Variants in DCBLD2 observed in about 807,000 individuals in gnomAD.
DCBLD2 encodes the protein discoidin, CUB and LCCL domain containing 2.
In DCBLD2, 54 loss-of-function variants were observed where a neutral mutation model predicts 86.8. The observed-to-expected ratio is 0.62, with a 90% confidence interval of 0.50 to 0.78. The LOEUF (loss-of-function observed/expected upper bound fraction) is 0.78. DCBLD2 is among the 30% of genes least tolerant of loss of function. DCBLD2 has a pLI of 0.00. For synonymous variants in DCBLD2, 354 were observed against 341.3 expected (o/e 1.04, Z -0.41); for missense variants, 908 against 954.2 (o/e 0.95, Z 0.64).
rs577977258 is a variant in DCBLD2, at chr3:98,870,199, C to A, written c.433+11341G>T. 2.6e-5 allele frequency among the ~76,000 whole-genome samples: 4 copies of A among 152,258 alleles called. No individual in the cohort carries two copies. In the South Asian group the frequency reaches 8.3e-4, roughly 32 times the overall value. On this transcript the variant is annotated intron_variant, in intron 2 of 15. Transcript: ENST00000326840. Reference sequence around the variant, plus strand: ...AGCACCACTGAATGAATAGGGTGTCCTTTCCCCCATTGTATGTTTCAGTCT... The same window carrying A: ...AGCACCACTGAATGAATAGGGTGTCATTTCCCCCATTGTATGTTTCAGTCT...
At chr3:98,807,978 C>A in intron 13 of DCBLD2, 103 bp downstream of exon 13, 4 of 822,696 alleles carry the variant, frequency 4.9e-6, no homozygotes, top group South Asian at 3.6e-5. Context: ...TAATAATTAC[C>A]TTAACTCTCA....
At chr3:98,814,771 T>G (rs956496272) in intron 9 of DCBLD2, 17 of 152,226 alleles carry the variant, frequency 1.1e-4, no homozygotes, top group Admixed American at 6.5e-4. Context: ...AAAAGACTGT[T>G]AATTCATACA....
At chr3:98,812,603 A>T in intron 9 of DCBLD2, 121 bp from the exon 10 acceptor site, 1 of 691,888 alleles carries the variant, frequency 1.4e-6, no homozygotes, top group Non-Finnish European at 2.2e-6. Flanking sequence ...AAAGTATGAT[A>T]ATAAGGATCA....
At chr3:98,888,104 C>T (rs1030376196) in intron 1 of DCBLD2, among the ~76,000 whole-genome samples, 2 of 151,960 alleles carry the variant, frequency 1.3e-5, no homozygotes, top group Non-Finnish European at 2.9e-5. Flanking sequence ...GGATTGGCTG[C>T]TTTCATTTAG....
rs1016347597 is a variant in DCBLD2, at chr3:98,797,632, C to T, written c.*1740G>A. On this transcript the variant is annotated 3_prime_UTR_variant, in exon 16 of 16. Coordinates refer to ENST00000326840, the MANE Select transcript of DCBLD2 (RefSeq NM_080927.4). ...GTATTGATTCTTCAATGAATGAAATCACGCCTCAAAGTTTGGAGAAGGAAA... is the reference window on the plus strand; with the variant it reads ...GTATTGATTCTTCAATGAATGAAATTACGCCTCAAAGTTTGGAGAAGGAAA... 3 of 152,106 alleles carry T rather than the reference C, an allele frequency of 2.0e-5. No homozygotes were observed. The highest frequency in any genetic ancestry group is 7.2e-5 in the African/African-American group (3 of 41,416). The allele number at this position is 152,106 out of a possible 1,614,324, so 9.4% of individuals were successfully genotyped here.
intron 13 of DCBLD2, among the ~76,000 whole-genome samples, chr3:98,805,295 G>T (rs1053693068): frequency 3.3e-5 from 5 of 151,414 alleles, no homozygotes; most frequent in South Asian, 4.2e-4. Flanking sequence ...GAATGGAAAA[G>T]AAATAAAAAA....
intron 1 of DCBLD2, chr3:98,900,813 A>G (rs759856490): frequency 2.3e-6 from 1 of 429,196 alleles, no homozygotes; most frequent in Non-Finnish European, 4.3e-6. Flanking sequence ...ATTACCTCCA[A>G]AGGTTCTTTT....
chr3:98,802,981 G>A (rs1205888592), intron 13 of DCBLD2, among the ~76,000 whole-genome samples: 3 of 152,150 alleles, frequency 2.0e-5, no homozygotes, highest in South Asian at 2.1e-4. Flanking sequence ...GTCAGGTAAC[G>A]TGATGCCTCC....
chr3:98,851,127 T>C (rs1390005904), intron 2 of DCBLD2, among the ~76,000 whole-genome samples: 1 of 152,188 alleles, frequency 6.6e-6, no homozygotes, highest in Non-Finnish European at 1.5e-5. Context: ...ATAAAGGGTA[T>C]TCAAACAGGA....
intron 12 of DCBLD2, 73 bp downstream of exon 12, chr3:98,811,121 A>G: frequency 1.4e-6 from 2 of 1,436,352 alleles, no homozygotes; most frequent in South Asian, 3.3e-5. Flanking sequence ...GAAGGTTTAA[A>G]AATGCCCGTG....
At chr3:98,808,222 C>G (rs1375087108) in intron 12 of DCBLD2, 48 bp from the exon 13 acceptor site, 5 of 1,480,992 alleles carry the variant, frequency 3.4e-6, no homozygotes, top group African/African-American at 1.4e-5. Flanking sequence ...ATATTAACAC[C>G]AAAGGCAGAA....
Position 98,798,223 on chromosome 3 carries a change from A to T in DCBLD2, c.*1149T>A, listed in dbSNP as rs192015188. 48 of 152,324 alleles carry T rather than the reference A, an allele frequency of 3.2e-4. No homozygotes were observed. Among genetic ancestry groups the T allele is most frequent in the Non-Finnish European group, 5.9e-4 (40 of 68,026 alleles). The allele number at this position is 152,324 out of a possible 1,614,324, so 9.4% of individuals were successfully genotyped here. On this transcript the variant is annotated 3_prime_UTR_variant, in exon 16 of 16. Coordinates refer to ENST00000326840, the MANE Select transcript of DCBLD2 (RefSeq NM_080927.4). The stretch of plus-strand genomic sequence containing the variant: ...AGTGCACGATCACGCAGTCCTGAAA[A>T]ATACACGTTAGGTTTATATTTTGTG...
In DCBLD2 at chr3:98,867,062, C is replaced by G. The variant is rs999573598; in HGVS notation, c.433+14478G>C. 1.6e-3 allele frequency among the ~76,000 whole-genome samples: 241 copies of G among 152,264 alleles called. 2 individuals carry two copies. The highest frequency in any genetic ancestry group is 5.6e-3 in the African/African-American group (233 of 41,532). ...GAGGGCTCTGTTCTGTTCCATTGGT[C>G]TATATCTCTGTTTTGGTCCCAGTAC... On this transcript the variant is annotated intron_variant, in intron 2 of 15. Coordinates refer to ENST00000326840, the MANE Select transcript of DCBLD2 (RefSeq NM_080927.4).
At chr3:98,815,094 TATAAAG>T (rs1488759493) in intron 9 of DCBLD2, 3 of 152,010 alleles carry the variant, frequency 2.0e-5, no homozygotes, top group African/African-American at 4.8e-5. Context: ...AGAAGAGAGC[TATAAAG>T]ATAGAGTGAG....
chr3:98,858,039 G>A (rs1576185293), intron 2 of DCBLD2, among the ~76,000 whole-genome samples: 2 of 152,366 alleles, frequency 1.3e-5, no homozygotes, highest in Admixed American at 6.5e-5. Flanking sequence ...GCTCGTCGGG[G>A]AGGCTTGGGC....
At chr3:98,849,896 A>T (rs79181408) in intron 2 of DCBLD2, among the ~76,000 whole-genome samples, 4 of 151,814 alleles carry the variant, frequency 2.6e-5, no homozygotes, top group Non-Finnish European at 5.9e-5. Context: ...ACTAAAAAAA[A>T]AATTAACAAA....
At chr3:98,901,016 A>G in intron 1 of DCBLD2, 106 bp downstream of exon 1, 1 of 1,516,094 alleles carries the variant, frequency 6.6e-7, no homozygotes, top group Non-Finnish European at 8.8e-7. Flanking sequence ...CCACGCACGA[A>G]AGCGCACCGC....
chr3:98,866,265 G>A (rs1304325609), intron 2 of DCBLD2, among the ~76,000 whole-genome samples: 1 of 152,132 alleles, frequency 6.6e-6, no homozygotes, highest in Admixed American at 6.5e-5. Context: ...TCTAGTTCTA[G>A]ATCCCTGAGG....
At chr3:98,814,799 G>C (rs1249355308) in intron 9 of DCBLD2, 1 of 152,204 alleles carries the variant, frequency 6.6e-6, no homozygotes, top group Non-Finnish European at 1.5e-5. Context: ...GTGAAGATTT[G>C]CATTTCTGAC....
Sources: allele counts gnomAD v4.1 joint callset (sites outside exome capture counted in the v4.1 genomes callset), GRCh38; gene constraint gnomAD v4.1.1; transcripts MANE v1.5; gene names NCBI Gene and HGNC (gene_info 2026-07-23, HGNC 2026-07-21).